The following MAD1L1 variants were observed in gnomAD, a reference collection of about 807,000 sequenced individuals.
The protein encoded by MAD1L1 is mitotic spindle assembly checkpoint protein MAD1.
A neutral mutation model predicts 96.9 loss-of-function variants in MAD1L1; 95 were observed. The observed-to-expected ratio is 0.98, with a 90% CI of 0.83 to 1.16. The LOEUF is 1.16. MAD1L1 is among the 50% of genes most tolerant of loss of function. The pLI, the probability that MAD1L1 is intolerant of heterozygous loss-of-function variation, is 0.00. For missense variants in MAD1L1, 1,007 were observed against 954.4 expected (o/e 1.06, Z -0.73); for synonymous variants, 473 against 396.6 (o/e 1.19, Z -2.29).
intron 18 of MAD1L1, among the ~76,000 whole-genome samples, chr7:1,826,525 C>T (rs1325393600): frequency 6.6e-6 from 1 of 152,226 alleles, no homozygotes; most frequent in Non-Finnish European, 1.5e-5. Context: ...CAGGTTTGAC[C>T]CCAGGACACC....
At chr7:1,882,077 C>T (rs1160037088) in intron 18 of MAD1L1, among the ~76,000 whole-genome samples, 5 of 152,048 alleles carry the variant, frequency 3.3e-5, no homozygotes, top group Admixed American at 6.5e-5. Context: ...GGGCAGACAC[C>T]GTTCACCATG....
At chr7:2,026,927 G>GA (rs1277836103) in intron 12 of MAD1L1, among the ~76,000 whole-genome samples, 11 of 151,928 alleles carry the variant, frequency 7.2e-5, no homozygotes, top group South Asian at 4.2e-4. Flanking sequence ...ATACATATGG[G>GA]AAAAAATCAA....
rs146858975 is a variant in MAD1L1 at position 1,968,391 on chromosome 7, G to A, written c.1506-10672C>T. Reference sequence around the variant, plus strand: ...TCCACTGTCAATGCCTCAGTCCAGCGGTCAGGTCCACTGTCCATGCCTCAG... The same window carrying A: ...TCCACTGTCAATGCCTCAGTCCAGCAGTCAGGTCCACTGTCCATGCCTCAG... On this transcript the variant is annotated intron_variant, in intron 15 of 18. Coordinates refer to ENST00000265854, the MANE Select transcript of MAD1L1 (RefSeq NM_001013836.2). The surrounding 1 kb of genome is among the most constrained non-coding windows in gnomAD (Gnocchi z 5.6). 2.4e-3 allele frequency among the ~76,000 whole-genome samples: 358 copies of A among 151,542 alleles called. No homozygotes were observed. The highest frequency in any genetic ancestry group is 0.01 in the Middle Eastern group (3 of 292).
intron 17 of MAD1L1, among the ~76,000 whole-genome samples, chr7:1,936,190 C>A (rs1033106973): frequency 8.5e-5 from 13 of 152,210 alleles, no homozygotes; most frequent in Admixed American, 8.5e-4. Flanking sequence ...GATAGGCTGG[C>A]GTTCCAAAGG....
chr7:2,008,555 A>G (rs928509252), intron 13 of MAD1L1, among the ~76,000 whole-genome samples: 3 of 152,172 alleles, frequency 2.0e-5, no homozygotes, highest in Non-Finnish European at 4.4e-5. Context: ...AGATGGTGGG[A>G]TGGAGAGAGA....
At chr7:1,950,845 C>T (rs1189500332) in intron 16 of MAD1L1, among the ~76,000 whole-genome samples, 1 of 152,238 alleles carries the variant, frequency 6.6e-6, no homozygotes, top group Non-Finnish European at 1.5e-5. Flanking sequence ...GCTCTGCCAC[C>T]CGTGCTCCTC....
chr7:2,225,606 G>C (rs973928319), intron 3 of MAD1L1, 56 bp from the exon 4 acceptor site: 4 of 1,586,892 alleles, frequency 2.5e-6, no homozygotes, highest in East Asian at 2.2e-5. Flanking sequence ...ATCAAACCAG[G>C]TGAGTGACTC....
rs200715404 is a variant in MAD1L1 at position 1,957,723 on chromosome 7, C to A, written c.1506-4G>T. The A allele has an allele frequency of 7.4e-6, 12 of 1,614,036 alleles. No individual in the cohort carries two copies. Among genetic ancestry groups the A allele is most frequent in the Admixed American group, 1.7e-5 (1 of 60,028 alleles). On this transcript the variant is annotated splice_region_variant and splice_polypyrimidine_tract_variant and intron_variant, in intron 15 of 18. Transcript: ENST00000265854. ...TTCCAGCTCCTCGACCTTCAACCTG[C>A]AAGGACAGCAAGACGGTGACCAGGT...
At chr7:1,868,721 C>T (rs984023332) in intron 18 of MAD1L1, among the ~76,000 whole-genome samples, 12 of 152,226 alleles carry the variant, frequency 7.9e-5, no homozygotes, top group African/African-American at 2.7e-4. Flanking sequence ...AGAGTTCTCA[C>T]AGTTGGGGAT....
At chr7:2,087,007 A>G (rs1584286716) in intron 11 of MAD1L1, among the ~76,000 whole-genome samples, 1 of 152,220 alleles carries the variant, frequency 6.6e-6, no homozygotes, top group Non-Finnish European at 1.5e-5. Context: ...TGAGAAGAGC[A>G]TGGAGGAGGT....
At chr7:2,138,518 G>T (rs186730530) in intron 11 of MAD1L1, among the ~76,000 whole-genome samples, 1 of 152,358 alleles carries the variant, frequency 6.6e-6, no homozygotes, top group Admixed American at 6.5e-5. Flanking sequence ...ACATCAAGAG[G>T]TGGGGATTGG....
intron 18 of MAD1L1, among the ~76,000 whole-genome samples, chr7:1,853,974 C>G (rs1784110780): frequency 6.6e-6 from 1 of 152,222 alleles, no homozygotes; most frequent in Non-Finnish European, 1.5e-5. Context: ...GCTTCTCCTG[C>G]TGCCGCCAGC....
intron 18 of MAD1L1, among the ~76,000 whole-genome samples, chr7:1,828,413 T>C (rs1465906133): frequency 2.0e-5 from 3 of 151,834 alleles, no homozygotes; most frequent in Non-Finnish European, 2.9e-5. Context: ...AGTGAGAGGC[T>C]GAGAAAACCT....
At chr7:2,175,042 T>G (rs746969813) in intron 10 of MAD1L1, 1 of 152,206 alleles carries the variant, frequency 6.6e-6, no homozygotes, top group Non-Finnish European at 1.5e-5. Context: ...TCTTGCTTAG[T>G]GGACAACGCT....
intron 18 of MAD1L1, among the ~76,000 whole-genome samples, chr7:1,873,878 A>C (rs563080803): frequency 2.0e-5 from 3 of 152,164 alleles, no homozygotes; most frequent in African/African-American, 7.2e-5. Context: ...CCGTGGCTGA[A>C]CGAGAATGGA....
At chr7:2,191,326 C>T (rs892055784) in intron 10 of MAD1L1, among the ~76,000 whole-genome samples, 44 of 152,302 alleles carry the variant, frequency 2.9e-4, no homozygotes, top group African/African-American at 1.0e-3. Flanking sequence ...TAGCAAACAG[C>T]CCTCCTGGAA....
At chr7:2,018,042 G>C (rs184320340) in intron 12 of MAD1L1, among the ~76,000 whole-genome samples, 1 of 152,190 alleles carries the variant, frequency 6.6e-6, no homozygotes, top group African/African-American at 2.4e-5. Flanking sequence ...CCCTGTTGGA[G>C]GTGCTGCAGG....
chr7:1,852,298 A>G (rs1380177733), intron 18 of MAD1L1, among the ~76,000 whole-genome samples: 1 of 152,222 alleles, frequency 6.6e-6, no homozygotes, highest in Non-Finnish European at 1.5e-5. Flanking sequence ...CCTGCAGCGT[A>G]GCACTAGGCT....
At chr7:2,186,421 T>C (rs754547019) in intron 10 of MAD1L1, among the ~76,000 whole-genome samples, 2 of 152,294 alleles carry the variant, frequency 1.3e-5, no homozygotes, top group Admixed American at 1.3e-4. Flanking sequence ...GAAAATAATA[T>C]AACAATACAG....
Sources: allele counts gnomAD v4.1 joint callset (sites outside exome capture counted in the v4.1 genomes callset), GRCh38; gene constraint gnomAD v4.1.1; non-coding constraint Gnocchi (gnomAD v3.1); transcripts MANE v1.5; gene names NCBI Gene and HGNC (gene_info 2026-07-23, HGNC 2026-07-21).